LMBR1: variants seen among roughly 807,000 people sequenced by gnomAD.
The protein encoded by LMBR1 is limb region 1 protein homolog.
In LMBR1, 52 loss-of-function variants were observed where a neutral mutation model predicts 73.9. The observed-to-expected ratio is 0.70, with a 90% confidence interval of 0.56 to 0.89. The LOEUF is 0.89. Among genes scored for constraint, LMBR1 ranks in the 40% least tolerant of loss-of-function variants. The pLI is 0.00. For missense variants in LMBR1, 539 were observed against 579.8 expected, an observed-to-expected ratio of 0.93 and a Z score of 0.72; for synonymous variants, 215 against 209.4, an observed-to-expected ratio of 1.03 and a Z score of -0.23.
intron 4 of LMBR1, among the ~76,000 whole-genome samples, chr7:156,812,019 G>C (rs934345438): frequency 6.6e-6 from 1 of 152,124 alleles, no homozygotes; most frequent in Admixed American, 6.5e-5. Flanking sequence ...TCTGCTTTAT[G>C]TTTTTAGGGG....
At chr7:156,711,633 T>C (rs1812100721) in intron 15 of LMBR1, among the ~76,000 whole-genome samples, 1 of 152,144 alleles carries the variant, frequency 6.6e-6, no homozygotes, top group Non-Finnish European at 1.5e-5. Flanking sequence ...CATAAGAGTA[T>C]GGTACTAGTA....
intron 1 of LMBR1, among the ~76,000 whole-genome samples, chr7:156,853,734 C>T (rs749826518): frequency 6.6e-6 from 1 of 152,116 alleles, no homozygotes; most frequent in Non-Finnish European, 1.5e-5. Context: ...CAGCTCACTG[C>T]AACCTCCACT....
At chr7:156,706,777 A>G (rs1219428113) in intron 15 of LMBR1, among the ~76,000 whole-genome samples, 1 of 152,100 alleles carries the variant, frequency 6.6e-6, no homozygotes, top group African/African-American at 2.4e-5. Flanking sequence ...CATGAAAGAT[A>G]CTGAAAGATA....
At chr7:156,761,800 C>G (rs1823049614) in intron 8 of LMBR1, among the ~76,000 whole-genome samples, 1 of 151,876 alleles carries the variant, frequency 6.6e-6, no homozygotes, top group African/African-American at 2.4e-5. Context: ...CACAGTGAAA[C>G]CCCGTCTCTA....
intron 4 of LMBR1, among the ~76,000 whole-genome samples, chr7:156,824,171 T>C (rs1835278036): frequency 6.6e-6 from 1 of 152,106 alleles, no homozygotes; most frequent in African/African-American, 2.4e-5. Context: ...ATGTGGAGTT[T>C]TCCTTGTTTC....
At chr7:156,779,337 C>CA (rs1390872178) in intron 5 of LMBR1, among the ~76,000 whole-genome samples, 1 of 152,156 alleles carries the variant, frequency 6.6e-6, no homozygotes, top group Non-Finnish European at 1.5e-5. Flanking sequence ...ATATTAGAAA[C>CA]ACCACTGAAA....
At chr7:156,850,848 C>G (rs1239186569) in intron 1 of LMBR1, among the ~76,000 whole-genome samples, 1 of 152,180 alleles carries the variant, frequency 6.6e-6, no homozygotes, top group African/African-American at 2.4e-5. Flanking sequence ...GTGATCCCCA[C>G]TGTTGGAGGT....
chr7:156,680,937 T>G lies in LMBR1; in HGVS notation c.*3141A>C. On this transcript the variant is annotated 3_prime_UTR_variant, in exon 17 of 17. Transcript: ENST00000353442. Reference sequence around the variant, plus strand: ...CATTTAAAAAGTCACACTAAAAGTATCTCATAGAAACAAAGACTAACAATT... The same window carrying G: ...CATTTAAAAAGTCACACTAAAAGTAGCTCATAGAAACAAAGACTAACAATT... 2 of 266,258 alleles carry G rather than the reference T, an allele frequency of 7.5e-6. No homozygotes were observed. The highest frequency in any genetic ancestry group is 7.3e-5 in the South Asian group (2 of 27,526). The allele number at this position is 266,258 out of a possible 1,614,324, so 16.5% of individuals were successfully genotyped here.
intron 4 of LMBR1, among the ~76,000 whole-genome samples, chr7:156,814,914 T>TA (rs1170626130): frequency 1.3e-5 from 2 of 152,088 alleles, no homozygotes; most frequent in African/African-American, 4.8e-5. Flanking sequence ...CCCATCACTT[T>TA]AGGAGGCCAA....
intron 16 of LMBR1, among the ~76,000 whole-genome samples, chr7:156,684,673 C>A (rs1805635819): frequency 6.6e-6 from 1 of 152,202 alleles, no homozygotes; most frequent in Non-Finnish European, 1.5e-5. Flanking sequence ...TGCACACACA[C>A]AGGCTGGGCG....
chr7:156,841,336 T>C (rs570898030), intron 1 of LMBR1, among the ~76,000 whole-genome samples: 1 of 151,878 alleles, frequency 6.6e-6, no homozygotes, highest in East Asian at 1.9e-4. Context: ...ATCTGTACCA[T>C]TCAGAAGAAA....
chr7:156,801,544 C>A (rs1388239112), intron 4 of LMBR1, among the ~76,000 whole-genome samples: 1 of 152,120 alleles, frequency 6.6e-6, no homozygotes, highest in African/African-American at 2.4e-5. Context: ...ACATAGTAGG[C>A]ATTGTTCTGG....
At chr7:156,863,417 T>A (rs1043100815) in intron 1 of LMBR1, among the ~76,000 whole-genome samples, 2 of 152,078 alleles carry the variant, frequency 1.3e-5, no homozygotes, top group African/African-American at 4.8e-5. Context: ...AGATTAAGTG[T>A]GGGTCTGCCT....
At chr7:156,732,283 C>G (rs1051032070) in intron 10 of LMBR1, among the ~76,000 whole-genome samples, 2 of 152,154 alleles carry the variant, frequency 1.3e-5, no homozygotes, top group Non-Finnish European at 2.9e-5. Flanking sequence ...ACAAACCACA[C>G]AAGCCCTTTC....
intron 5 of LMBR1, among the ~76,000 whole-genome samples, chr7:156,774,817 A>G (rs931125582): frequency 2.0e-5 from 3 of 151,806 alleles, no homozygotes. Context: ...GGGTGACAAG[A>G]GCGAGACTCC....
intron 5 of LMBR1, among the ~76,000 whole-genome samples, chr7:156,776,818 T>G (rs926074870): frequency 6.6e-6 from 1 of 152,160 alleles, no homozygotes; most frequent in Non-Finnish European, 1.5e-5. Flanking sequence ...CAAAAAAACT[T>G]TGTATTATAC....
In LMBR1 at chr7:156,756,452, A is replaced by G. The variant is rs748908835; in HGVS notation, c.698T>C (p.Leu233Pro). Residue 233 changes from leucine (L) to proline (P), a missense_variant, in exon 9 of 17, where the codon CTG becomes CCG. By Grantham distance (98) the Leu-to-Pro change is moderately conservative. Around this residue, in one of 3 missense-constraint regions of LMBR1, gnomAD observed 454 missense variants for 473.4 expected, o/e 0.96. Transcript: ENST00000353442. Reference protein sequence around the residue: ...LLVKPTILEDLDEQIYIITLE... With the variant: ...LLVKPTILEDPDEQIYIITLE... ...GGTAATGATATAAATTTGTTCATCC[A>G]GGTCTTCAAGAATCTAAATTTAAAG... 12 of 1,473,684 alleles carry G rather than the reference A, an allele frequency of 8.1e-6. No homozygotes were observed. In the South Asian group the frequency reaches 1.1e-4, roughly 13 times the overall value. 91.3% of individuals were successfully genotyped at this position (1,473,684 alleles called of 1,614,324 possible).
At chr7:156,864,333 T>C (rs1329065328) in intron 1 of LMBR1, among the ~76,000 whole-genome samples, 1 of 151,922 alleles carries the variant, frequency 6.6e-6, no homozygotes, top group Non-Finnish European at 1.5e-5. Context: ...TCACTGCCCT[T>C]TAAGTTAACA....
chr7:156,753,379 G>A (rs1284034731), intron 9 of LMBR1, among the ~76,000 whole-genome samples: 4 of 152,032 alleles, frequency 2.6e-5, no homozygotes, highest in African/African-American at 9.7e-5. Flanking sequence ...AGTAGTAAAA[G>A]GGAACAGGAG....
Sources: allele counts gnomAD v4.1 joint callset (sites outside exome capture counted in the v4.1 genomes callset), GRCh38; gene constraint gnomAD v4.1.1; regional missense constraint gnomAD v4.1.1; transcripts MANE v1.5; gene names NCBI Gene and HGNC (gene_info 2026-07-23, HGNC 2026-07-21).